KCNC2: variants seen among roughly 807,000 people sequenced by gnomAD.
KCNC2 encodes potassium voltage-gated channel subfamily C member 2.
A neutral mutation model predicts 44.5 loss-of-function variants in KCNC2; 21 were observed. The ratio of observed to expected loss-of-function variants is 0.47; its 90% CI spans 0.33 to 0.68. The LOEUF is 0.68. KCNC2 is among the 30% of genes least tolerant of loss of function. The probability of loss-of-function intolerance (pLI) is 0.01; values close to 1 mark genes in which losing one functional copy is unlikely to be tolerated. For synonymous variants in KCNC2, 391 were observed against 339.1 expected, an observed-to-expected ratio of 1.15 and a Z score of -1.68; for missense variants, 589 against 826.2, an observed-to-expected ratio of 0.71 and a Z score of 3.52.
intron 2 of KCNC2, among the ~76,000 whole-genome samples, chr12:75,086,440 T>C (rs1885001590): frequency 6.6e-6 from 1 of 151,938 alleles, no homozygotes; most frequent in South Asian, 2.1e-4. Context: ...CAGTTTTGTA[T>C]GTTAATTTGC....
chr12:75,207,570 C>T lies in KCNC2; in HGVS notation c.414G>A (p.Leu138=), dbSNP rs147616675. 1.9e-5 allele frequency: 30 copies of T among 1,612,188 alleles called. No individual in the cohort carries two copies. Among genetic ancestry groups the T allele is most frequent in the Admixed American group, 3.3e-5 (2 of 60,018 alleles). The change falls in exon 2 of 5, where the codon CTG becomes CTA. Residue 138 remains leucine (L), a synonymous_variant. Coordinates refer to ENST00000549446, the MANE Select transcript of KCNC2 (RefSeq NM_139137.4). The surrounding 1 kb of genome is among the most constrained non-coding windows in gnomAD (Gnocchi z 4.1). ...DVCGPLFEEE[L]AFWGIDETDV... ...CGGTCTCGTCGATGCCCCAGAAGGC[C>T]AGCTCCTCCTCGAAGAGCGGCCCGC...
chr12:75,183,572 T>G (rs1240115443), intron 2 of KCNC2, among the ~76,000 whole-genome samples: 2 of 152,120 alleles, frequency 1.3e-5, no homozygotes, highest in Non-Finnish European at 2.9e-5. Flanking sequence ...CATTCAAAAT[T>G]TTTGTAAGAT....
chr12:75,147,910 T>C (rs1890134872), intron 2 of KCNC2, among the ~76,000 whole-genome samples: 1 of 152,088 alleles, frequency 6.6e-6, no homozygotes. Context: ...TGAGTAAATA[T>C]AAAAAGTATT....
At chr12:75,068,997 AG>A (rs895011906) in intron 2 of KCNC2, among the ~76,000 whole-genome samples, 1 of 152,182 alleles carries the variant, frequency 6.6e-6, no homozygotes, top group African/African-American at 2.4e-5. Context: ...TGTTCATGGT[AG>A]AAGGAAAGAA....
intron 2 of KCNC2, among the ~76,000 whole-genome samples, chr12:75,157,408 T>C (rs1333990272): frequency 6.6e-6 from 1 of 151,896 alleles, no homozygotes; most frequent in African/African-American, 2.4e-5. Flanking sequence ...ACAGCAATTA[T>C]CTACCTCAGG....
chr12:75,112,239 C>T (rs1351977951), intron 2 of KCNC2, among the ~76,000 whole-genome samples: 1 of 151,842 alleles, frequency 6.6e-6, no homozygotes, highest in Non-Finnish European at 1.5e-5. Context: ...ATTCAGAATT[C>T]ACAAATTATT....
At chr12:75,084,618 T>C (rs1275162985) in intron 2 of KCNC2, among the ~76,000 whole-genome samples, 2 of 151,928 alleles carry the variant, frequency 1.3e-5, no homozygotes, top group Non-Finnish European at 2.9e-5. Flanking sequence ...TCCCCAAACA[T>C]GTGGAACTTT....
intron 2 of KCNC2, among the ~76,000 whole-genome samples, chr12:75,112,534 T>G (rs2137244213): frequency 6.6e-6 from 1 of 152,190 alleles, no homozygotes; most frequent in Middle Eastern, 3.4e-3. Context: ...TTCTCTCCAT[T>G]TACTTCTTTT....
intron 2 of KCNC2, among the ~76,000 whole-genome samples, chr12:75,080,895 A>G (rs915363537): frequency 1.3e-5 from 2 of 152,096 alleles, no homozygotes; most frequent in African/African-American, 4.8e-5. Context: ...CATAGCCCTC[A>G]GTACATAATG....
At chr12:75,097,957 C>G (rs1886073876) in intron 2 of KCNC2, among the ~76,000 whole-genome samples, 1 of 152,024 alleles carries the variant, frequency 6.6e-6, no homozygotes, top group African/African-American at 2.4e-5. Flanking sequence ...TTTGGTCAAA[C>G]TGAAATATTA....
At chr12:75,085,001 A>T (rs1317503271) in intron 2 of KCNC2, among the ~76,000 whole-genome samples, 1 of 140,036 alleles carries the variant, frequency 7.1e-6, no homozygotes, top group African/African-American at 2.6e-5. Context: ...TCAGTAAAGG[A>T]CTTAAAATTC....
chr12:75,146,048 G>A (rs1890006748), intron 2 of KCNC2, among the ~76,000 whole-genome samples: 1 of 151,256 alleles, frequency 6.6e-6, no homozygotes, highest in Non-Finnish European at 1.5e-5. Context: ...CCACCTCCCG[G>A]GGTTCACACC....
At chr12:75,145,471 A>C (rs1049209784) in intron 2 of KCNC2, among the ~76,000 whole-genome samples, 13 of 152,090 alleles carry the variant, frequency 8.5e-5, no homozygotes, top group Admixed American at 3.3e-4. Context: ...TTTTATTAAA[A>C]AAAAAAAGAC....
At chr12:75,063,616 A>G (rs1238179949) in intron 2 of KCNC2, among the ~76,000 whole-genome samples, 2 of 152,084 alleles carry the variant, frequency 1.3e-5, no homozygotes, top group African/African-American at 2.4e-5. Flanking sequence ...AATAGGCAGA[A>G]TTTACTAGAG....
At chr12:75,106,892 A>G (rs1362177529) in intron 2 of KCNC2, among the ~76,000 whole-genome samples, 3 of 152,268 alleles carry the variant, frequency 2.0e-5, no homozygotes, top group African/African-American at 7.2e-5. Flanking sequence ...GGGAAAGCCA[A>G]TATTAGTCAA....
At chr12:75,144,458 T>C (rs1385444927) in intron 2 of KCNC2, among the ~76,000 whole-genome samples, 1 of 152,140 alleles carries the variant, frequency 6.6e-6, no homozygotes, top group Non-Finnish European at 1.5e-5. Context: ...CAAAGTATGC[T>C]TGTATAGGCA....
chr12:75,150,388 A>C (rs1040067132), intron 2 of KCNC2, among the ~76,000 whole-genome samples: 5 of 151,896 alleles, frequency 3.3e-5, no homozygotes, highest in Admixed American at 6.6e-5. Context: ...CCAGACTAGA[A>C]CCATCATCAC....
chr12:75,072,240 GAGA>G (rs1203138795), intron 2 of KCNC2, among the ~76,000 whole-genome samples: 2 of 152,136 alleles, frequency 1.3e-5, no homozygotes, highest in African/African-American at 4.8e-5. Flanking sequence ...AATCAAAAGG[GAGA>G]AGAACTAAAG....
At chr12:75,094,342 T>C (rs868304814) in intron 2 of KCNC2, among the ~76,000 whole-genome samples, 4 of 151,588 alleles carry the variant, frequency 2.6e-5, no homozygotes, top group Admixed American at 6.6e-5. Flanking sequence ...AGATAACACA[T>C]AGTGGAATGA....
Sources: gnomAD v4.1 joint callset for allele counts (sites outside exome capture counted in the v4.1 genomes callset) on GRCh38, gnomAD v4.1.1 for gene constraint, Gnocchi (gnomAD v3.1) non-coding constraint, MANE v1.5 for transcripts, NCBI Gene and HGNC (gene_info 2026-07-23, HGNC 2026-07-21) for gene names.